Variants in UNC93A observed in about 807,000 individuals in gnomAD.
UNC93A encodes N-acetylglucosamine transporter UNC93A.
A neutral mutation model predicts 47.5 loss-of-function variants in UNC93A; 43 were observed. That is an observed-to-expected ratio of 0.91 (90% CI 0.71 to 1.17). UNC93A has a LOEUF of 1.17. UNC93A is among the 50% of genes most tolerant of loss of function. The pLI is 0.00. For missense variants in UNC93A, 605 were observed against 577.6 expected (o/e 1.05, Z -0.49); for synonymous variants, 280 against 258.0 (o/e 1.09, Z -0.82).
chr6:167,290,847 T>A (rs1783827159), upstream of UNC93A, among the ~76,000 whole-genome samples: 1 of 152,242 alleles, frequency 6.6e-6, no homozygotes, highest in Non-Finnish European at 1.5e-5. Context: ...AAATAATGCA[T>A]GAAATTCTTT....
At chr6:167,293,059 C>G (rs1783878546) in intron 1 of UNC93A, among the ~76,000 whole-genome samples, 1 of 152,182 alleles carries the variant, frequency 6.6e-6, no homozygotes, top group Non-Finnish European at 1.5e-5. Context: ...GGTCCCTCCT[C>G]TCAGGCTGTG....
chr6:167,296,045 C>T lies in UNC93A; in HGVS notation c.283C>T (p.Pro95Ser), dbSNP rs1393273761. The T allele has an allele frequency of 1.9e-6, 3 of 1,614,126 alleles. No homozygotes were observed. Among genetic ancestry groups the T allele is most frequent in the Non-Finnish European group, 2.5e-6 (3 of 1,180,004 alleles). ...TTTTACCCACAGGTACACTTTGATC[C>T]CCACCTCCATACTGCTGGGACTCGG... is the stretch of plus-strand genomic sequence containing the variant. Reference protein sequence around the residue: ...NFFASWYTLIPTSILLGLGAA... With the variant: ...NFFASWYTLISTSILLGLGAA... Residue 95 changes from proline (P) to serine (S), a missense_variant, in exon 3 of 8, where the codon CCC becomes TCC. Pro to Ser is a moderately conservative substitution (Grantham distance 74). Coordinates refer to ENST00000230256, the MANE Select transcript of UNC93A (RefSeq NM_018974.4).
chr6:167,312,922 G>A (rs1186827660), intron 7 of UNC93A, among the ~76,000 whole-genome samples: 1 of 152,188 alleles, frequency 6.6e-6, no homozygotes, highest in Non-Finnish European at 1.5e-5. Flanking sequence ...CCTAGACTGG[G>A]CTGATGTCAT....
At chr6:167,271,356 AT>A (rs1783449000) in exon 1 of UNC93A, 3 of 152,576 alleles carry the variant, frequency 2.0e-5, no homozygotes, top group Admixed American at 2.0e-4. Flanking sequence ...CGAGAACCTC[AT>A]CAGGAGGACT....
At chr6:167,312,226 C>T (rs1429512071) in intron 7 of UNC93A, among the ~76,000 whole-genome samples, 6 of 150,964 alleles carry the variant, frequency 4.0e-5, no homozygotes, top group Admixed American at 4.0e-4. Context: ...CTTGTCCCGT[C>T]ATATGGGGGA....
upstream of UNC93A, among the ~76,000 whole-genome samples, chr6:167,289,079 C>A (rs904790471): frequency 6.6e-6 from 1 of 152,284 alleles, no homozygotes; most frequent in Non-Finnish European, 1.5e-5. Context: ...AGCCCTGGGC[C>A]AGGCCATGGC....
upstream of UNC93A, among the ~76,000 whole-genome samples, chr6:167,270,669 C>T (rs564873947): frequency 5.0e-4 from 76 of 152,254 alleles, 3 homozygotes; most frequent in African/African-American, 1.7e-3. Flanking sequence ...GGGTGAGCCT[C>T]GAGTTCCATG....
At chr6:167,281,148 T>G (rs1054192091) in intron 1 of UNC93A, among the ~76,000 whole-genome samples, 8 of 150,036 alleles carry the variant, frequency 5.3e-5, no homozygotes, top group African/African-American at 2.0e-4. Context: ...GCCATCCCAC[T>G]GAGAGGAGCC....
chr6:167,281,893 G>C (rs1783640436), intron 1 of UNC93A, among the ~76,000 whole-genome samples: 1 of 152,106 alleles, frequency 6.6e-6, no homozygotes, highest in South Asian at 2.1e-4. Context: ...TAAGGATTCT[G>C]GTTTCTCAAT....
intron 1 of UNC93A, among the ~76,000 whole-genome samples, chr6:167,281,048 CAGA>C (rs1160973330): frequency 1.3e-5 from 2 of 152,100 alleles, no homozygotes; most frequent in African/African-American, 2.4e-5. Context: ...CATGATTGCC[CAGA>C]AGGATGTCCC....
intron 1 of UNC93A, among the ~76,000 whole-genome samples, chr6:167,272,918 G>A (rs182794530): frequency 7.5e-4 from 114 of 152,188 alleles, no homozygotes; most frequent in South Asian, 6.2e-4. Flanking sequence ...AGGTCTGTCC[G>A]GCCCCCACTT....
chr6:167,281,272 C>G (rs1017072667), intron 1 of UNC93A, among the ~76,000 whole-genome samples: 3 of 152,056 alleles, frequency 2.0e-5, no homozygotes, highest in South Asian at 2.1e-4. Context: ...AGAGGAGCCC[C>G]AGGAGGAGGA....
At chr6:167,307,694 T>C (rs1778438868) in intron 6 of UNC93A, 85 bp from the exon 7 acceptor site, 1 of 1,540,380 alleles carries the variant, frequency 6.5e-7, no homozygotes. Context: ...TTGAGATGGT[T>C]GCTCCAGCAC....
At chr6:167,279,281 A>G (rs1382870977) in intron 1 of UNC93A, among the ~76,000 whole-genome samples, 2 of 152,176 alleles carry the variant, frequency 1.3e-5, no homozygotes, top group Non-Finnish European at 2.9e-5. Flanking sequence ...AGAGAGAGGG[A>G]CATTCTGTCC....
At position 167,295,529 on chromosome 6, in the gene UNC93A, GCCTCGTGCTCCTCGCCTC is replaced by G. The variant is rs1562350190; in HGVS notation, c.270-477_270-460del. ...CTCGCCTGCCTCGTGCTCCTCGCCT[GCCTCGTGCTCCTCGCCTC>G]CCTCGTGCTCCTCGCCTCCCTCGTG... On this transcript the variant is annotated intron_variant, in intron 2 of 7. Coordinates refer to ENST00000230256, the MANE Select transcript of UNC93A (RefSeq NM_018974.4). Among the ~76,000 whole-genome samples the G allele has an allele frequency of 8.5e-3, 411 of 48,226 alleles. 1 individual carries two copies. The highest frequency in any genetic ancestry group is 0.01 in the Non-Finnish European group (308 of 29,356). The allele number at this position is 48,226 out of a possible 152,430, so 31.6% of individuals were successfully genotyped here. A position where few individuals can be genotyped will look rare whatever the true frequency, so the allele number is the denominator to read the frequency against.
At chr6:167,287,180 G>A (rs554295584), upstream of UNC93A, among the ~76,000 whole-genome samples, 8 of 152,032 alleles carry the variant, frequency 5.3e-5, no homozygotes, top group East Asian at 3.9e-4. Flanking sequence ...ATCACAGCCC[G>A]GCTTCCTCCA....
rs751156316 is a variant in UNC93A at position 167,296,110 on chromosome 6, G to A, written c.348G>A (p.Thr116=). 23 of 1,614,070 alleles carry A rather than the reference G, an allele frequency of 1.4e-5. No individual in the cohort carries two copies. The highest frequency in any genetic ancestry group is 1.3e-4 in the Admixed American group (8 of 60,006). ...GGTCTGCACAGTGCACATACCTCAC[G>A]ATCACGGGAAACACACATGCAGAGA... The part of the protein sequence containing the change: ...PLWSAQCTYL[T]ITGNTHAEKA... The change falls in exon 3 of 8, where the codon ACG becomes ACA. Residue 116 remains threonine, a synonymous_variant. Transcript: ENST00000230256.
intron 1 of UNC93A, among the ~76,000 whole-genome samples, chr6:167,273,377 C>A (rs1783483406): frequency 6.6e-6 from 1 of 151,916 alleles, no homozygotes. Context: ...AGCCTCCTCC[C>A]CAGCCATGCC....
At position 167,294,667 on chromosome 6, in the gene UNC93A, G is replaced by T; in HGVS notation, c.238G>T (p.Ala80Ser). 1.2e-6 allele frequency: 2 copies of T among 1,603,684 alleles called. No homozygotes were observed. Among genetic ancestry groups the T allele is most frequent in the Non-Finnish European group, 1.7e-6 (2 of 1,172,006 alleles). ...TIILSMCGYV[A>S]FSVGNFFASW... ...CATCCTCTCCATGTGTGGCTACGTGGCCTTCTCCGTGGGCAACTTCTTCGC... is the reference window on the plus strand; with the variant it reads ...CATCCTCTCCATGTGTGGCTACGTGTCCTTCTCCGTGGGCAACTTCTTCGC... The change falls in exon 2 of 8, where the codon GCC (alanine) becomes TCC (serine). Residue 80 changes from alanine to serine, a missense_variant. Ala to Ser is a moderately conservative substitution (Grantham distance 99). Transcript: ENST00000230256.
Sources: allele counts gnomAD v4.1 joint callset (sites outside exome capture counted in the v4.1 genomes callset), GRCh38; gene constraint gnomAD v4.1.1; transcripts MANE v1.5; gene names NCBI Gene and HGNC (gene_info 2026-07-23, HGNC 2026-07-21).